Variants in METTL15 observed in about 807,000 individuals in gnomAD.
The protein encoded by METTL15 is methyltransferase 15, mitochondrial 12S rRNA N4-cytidine, also known as 12S rRNA N(4)-cytidine methyltransferase METTL15.
A neutral mutation model predicts 38.3 loss-of-function variants in METTL15; 34 were observed. The ratio of observed to expected loss-of-function variants is 0.89; its 90% CI spans 0.68 to 1.18. METTL15 has a LOEUF of 1.18. METTL15 is among the 50% of genes most tolerant of loss of function. METTL15 has a pLI of 0.00. For missense variants in METTL15, 438 were observed against 498.4 expected (o/e 0.88, Z 1.15); for synonymous variants, 162 against 170.9 (o/e 0.95, Z 0.41).
At chr11:28,143,869 A>G (rs1262500181) in intron 3 of METTL15, among the ~76,000 whole-genome samples, 1 of 152,134 alleles carries the variant, frequency 6.6e-6, no homozygotes, top group Non-Finnish European at 1.5e-5. Flanking sequence ...ACTGATTAGG[A>G]TCTCTTTTGA....
intron 6 of METTL15, among the ~76,000 whole-genome samples, chr11:28,433,721 G>A (rs7947030): frequency 0.42 from 64,184 of 151,858 alleles, 14,971 homozygotes; most frequent in Admixed American, 0.54. Context: ...TGGAGCTATT[G>A]AAGGTCTTTA....
intron 4 of METTL15, among the ~76,000 whole-genome samples, chr11:28,238,316 G>T (rs563510003): frequency 6.6e-6 from 1 of 152,252 alleles, no homozygotes; most frequent in East Asian, 1.9e-4. Context: ...AATGGTGGGC[G>T]CCCCTCCCCC....
At chr11:28,181,257 TA>T (rs1162429696) in intron 3 of METTL15, among the ~76,000 whole-genome samples, 20 of 115,962 alleles carry the variant, frequency 1.7e-4, no homozygotes, top group Non-Finnish European at 3.7e-4. Context: ...ATTTAATTTT[TA>T]ATTTTTTTTT....
At chr11:28,390,751 T>C (rs1246694329) in intron 5 of METTL15, among the ~76,000 whole-genome samples, 2 of 152,120 alleles carry the variant, frequency 1.3e-5, no homozygotes, top group East Asian at 3.9e-4. Context: ...AGTAGTTTTT[T>C]CCAATTGTGT....
Position 28,165,247 on chromosome 11 carries a change from T to A in METTL15, c.271-45815T>A, listed in dbSNP as rs183035625. On this transcript the variant is annotated intron_variant, in intron 3 of 6. Coordinates refer to ENST00000407364, the MANE Select transcript of METTL15 (RefSeq NM_001113528.2). ...ATATAGTAGTTTATTTTTAGTTTTT[T>A]GAGGTATCCATATGGTTTTTCATAA... Among the ~76,000 whole-genome samples the A allele has an allele frequency of 9.9e-5, 15 of 152,242 alleles. No homozygotes were observed. In the East Asian group the frequency reaches 2.9e-3, roughly 29 times the overall value.
chr11:28,495,658 T>C (rs1851529714), intron 6 of METTL15, among the ~76,000 whole-genome samples: 2 of 151,686 alleles, frequency 1.3e-5, no homozygotes, highest in Admixed American at 1.3e-4. Context: ...ATGGGAAAAA[T>C]GAGAGGGTGG....
At chr11:28,397,716 T>C (rs181918080) in intron 5 of METTL15, among the ~76,000 whole-genome samples, 158 of 152,248 alleles carry the variant, frequency 1.0e-3, no homozygotes, top group African/African-American at 3.7e-3. Context: ...AAATACCATT[T>C]GACCCAGCCA....
intron 6 of METTL15, among the ~76,000 whole-genome samples, chr11:28,430,102 G>T (rs1850903712): frequency 6.6e-6 from 1 of 150,408 alleles, no homozygotes; most frequent in African/African-American, 2.4e-5. Context: ...TCTGAGAAGT[G>T]AGGAGACCCT....
At chr11:28,272,106 T>C (rs1855666062) in intron 4 of METTL15, among the ~76,000 whole-genome samples, 1 of 152,184 alleles carries the variant, frequency 6.6e-6, no homozygotes, top group African/African-American at 2.4e-5. Context: ...AGGAACGCTC[T>C]TACACTGTTG....
intron 5 of METTL15, among the ~76,000 whole-genome samples, chr11:28,368,247 A>G (rs1254614871): frequency 6.6e-6 from 1 of 152,058 alleles, no homozygotes; most frequent in Non-Finnish European, 1.5e-5. Flanking sequence ...TTTGCAATCT[A>G]TCCATCTGAC....
chr11:28,192,890 T>C (rs916374545), intron 3 of METTL15, among the ~76,000 whole-genome samples: 3 of 152,116 alleles, frequency 2.0e-5, no homozygotes, highest in African/African-American at 7.2e-5. Context: ...AGTTTGTGTT[T>C]TACAAGGAAT....
intron 5 of METTL15, among the ~76,000 whole-genome samples, chr11:28,295,157 T>C (rs917016795): frequency 6.6e-6 from 1 of 152,148 alleles, no homozygotes; most frequent in African/African-American, 2.4e-5. Flanking sequence ...GACAGTGGCA[T>C]GCATTGAGCA....
Position 28,462,296 on chromosome 11 carries a change from A to G in METTL15, c.*424+37932A>G, listed in dbSNP as rs1410888079. On this transcript the variant is annotated intron_variant and NMD_transcript_variant, in intron 6 of 7. Transcript: ENST00000532947. ...AATACAAGAAGAATGGAAGTGTAGG[A>G]CATGCTATAGAAACTGTTCAGCTTC... 3.3e-5 allele frequency among the ~76,000 whole-genome samples: 5 copies of G among 152,106 alleles called. No homozygotes were observed. In the East Asian group the frequency reaches 9.6e-4, roughly 29 times the overall value.
At chr11:28,391,331 G>A (rs1369373324) in intron 5 of METTL15, among the ~76,000 whole-genome samples, 1 of 152,022 alleles carries the variant, frequency 6.6e-6, no homozygotes, top group Non-Finnish European at 1.5e-5. Flanking sequence ...AATGCTTCCA[G>A]TTTTTGCCCA....
intron 5 of METTL15, among the ~76,000 whole-genome samples, chr11:28,366,852 C>T (rs527502349): frequency 2.6e-4 from 40 of 152,212 alleles, no homozygotes; most frequent in African/African-American, 9.1e-4. Flanking sequence ...GAGACCCTGA[C>T]AACAATATAT....
chr11:28,129,061 G>T (rs954080620), intron 3 of METTL15, among the ~76,000 whole-genome samples: 1 of 151,980 alleles, frequency 6.6e-6, no homozygotes. Context: ...TGTCCTCATA[G>T]GACATGATGG....
intron 4 of METTL15, among the ~76,000 whole-genome samples, chr11:28,280,183 G>A (rs1454843598): frequency 2.6e-5 from 4 of 151,294 alleles, no homozygotes; most frequent in Admixed American, 6.6e-5. Flanking sequence ...TCATTGCTTC[G>A]GTTGTATTTG....
chr11:28,435,634 T>C (rs970845642), intron 6 of METTL15, among the ~76,000 whole-genome samples: 7 of 152,246 alleles, frequency 4.6e-5, no homozygotes, highest in Non-Finnish European at 1.0e-4. Context: ...GACACCTCTA[T>C]AGAGTCTCAA....
Position 28,228,486 on chromosome 11 carries a change from T to C in METTL15, c.407+17288T>C, listed in dbSNP as rs141422957. Among the ~76,000 whole-genome samples, 185 of 152,060 alleles carry C rather than the reference T, an allele frequency of 1.2e-3. 1 individual carries two copies. Among genetic ancestry groups the C allele is most frequent in the African/African-American group, 4.3e-3 (177 of 41,516 alleles). Reference sequence around the variant, plus strand: ...TTTAATGAGTCATGAAATCATTTTGTTGGGTCCTGATCAGAGTTTAATGGA... The same window carrying C: ...TTTAATGAGTCATGAAATCATTTTGCTGGGTCCTGATCAGAGTTTAATGGA... On this transcript the variant is annotated intron_variant, in intron 4 of 6. Coordinates refer to ENST00000407364, the MANE Select transcript of METTL15 (RefSeq NM_001113528.2).
Sources: allele counts gnomAD v4.1 joint callset (sites outside exome capture counted in the v4.1 genomes callset), GRCh38; gene constraint gnomAD v4.1.1; transcripts MANE v1.5; gene names NCBI Gene and HGNC (gene_info 2026-07-23, HGNC 2026-07-21).